CNTRL: variants seen among roughly 807,000 people sequenced by gnomAD.
CNTRL encodes the protein centriolin.
In CNTRL, 233 loss-of-function variants were observed where a neutral mutation model predicts 303.7. The ratio of observed to expected loss-of-function variants is 0.77; its 90% CI spans 0.69 to 0.86. CNTRL has a LOEUF of 0.86. Ranked by LOEUF, CNTRL falls within the 40% of genes least tolerant of loss-of-function variation. The probability of loss-of-function intolerance (pLI) is 0.00; values close to 1 mark genes in which losing one functional copy is unlikely to be tolerated. For missense variants in CNTRL, 2,524 were observed against 2,650.6 expected (o/e 0.95, Z 1.05); for synonymous variants, 900 against 922.2 (o/e 0.98, Z 0.44).
rs10693661 is a variant in CNTRL, at chr9:121,104,694, ATTTTTTTTT to A, written c.809-3092_809-3084del. ...CAGGTGCATTGGAAAGCCACTGGCAATTTTTTTTTTTTTTTTTTTTTTTTGAGACAGAGT... is the reference window on the plus strand; with the variant it reads ...CAGGTGCATTGGAAAGCCACTGGCAATTTTTTTTTTTTTTTGAGACAGAGT... On this transcript the variant is annotated intron_variant, in intron 7 of 43. Transcript: ENST00000373855. 1.2e-4 allele frequency among the ~76,000 whole-genome samples: 12 copies of A among 96,460 alleles called. No homozygotes were observed. In the East Asian group the frequency reaches 2.2e-3, roughly 18 times the overall value. 63.3% of individuals were successfully genotyped at this position (96,460 alleles called of 152,430 possible). A position where few individuals can be genotyped will look rare whatever the true frequency, so the allele number is the denominator to read the frequency against.
intron 26 of CNTRL, 71 bp from the exon 27 acceptor site, chr9:121,154,650 G>T (rs1449091139): frequency 2.4e-6 from 2 of 841,974 alleles, no homozygotes; most frequent in Non-Finnish European, 3.8e-6. Flanking sequence ...GATCTTTTTA[G>T]TAGTTAGGCT....
Position 121,173,444 on chromosome 9 carries a change from C to T in CNTRL, c.6619C>T (p.Leu2207Phe), listed in dbSNP as rs1325815581. ...EGELESLKEN[L>F]PFTMNEGPFE... ...AGAATTGGAAAGCTTGAAAGAGAAC[C>T]TTCCATTTACCATGAATGAGGGACC... Residue 2207 changes from leucine to phenylalanine, a missense_variant, in exon 41 of 44, where the codon CTT (leucine) becomes TTT (phenylalanine). Coordinates refer to ENST00000373855, the MANE Select transcript of CNTRL (RefSeq NM_007018.6). 5 of 1,613,786 alleles carry T rather than the reference C, an allele frequency of 3.1e-6. No individual in the cohort carries two copies. Among genetic ancestry groups the T allele is most frequent in the Non-Finnish European group, 4.2e-6 (5 of 1,179,992 alleles).
In CNTRL at chr9:121,123,911, GA is replaced by G. The variant is rs1564234638; in HGVS notation, c.1651-19del. 1 of 1,516,170 alleles carries G rather than the reference GA, an allele frequency of 6.6e-7. No individual in the cohort carries two copies. Among genetic ancestry groups the G allele is most frequent in the African/African-American group, 1.4e-5 (1 of 70,990 alleles). 93.9% of individuals were successfully genotyped at this position (1,516,170 alleles called of 1,614,324 possible). A position where few individuals can be genotyped will look rare whatever the true frequency, so the allele number is the denominator to read the frequency against. On this transcript the variant is annotated intron_variant, in intron 12 of 43. Transcript: ENST00000373855. ...AGTTTAAGGAACTTGGAGTTTTGTT[GA>G]TTTTTTTTTTTAATTCAGTCCCATA...
Position 121,113,675 on chromosome 9 carries a change from C to T in CNTRL, c.1296C>T (p.His432=). ...ATGATCACATGAACTTGAGAGGCCACACACCACTGGACACGCAACTGGAAG... is the reference window on the plus strand; with the variant it reads ...ATGATCACATGAACTTGAGAGGCCATACACCACTGGACACGCAACTGGAAG... ...LRNDHMNLRG[H]TPLDTQLEDK... is the part of the protein sequence containing the mutation. The change falls in exon 10 of 44, where the codon CAC becomes CAT. Residue 432 remains histidine, a synonymous_variant. Transcript: ENST00000373855. 6.3e-7 allele frequency: 1 copy of T among 1,594,768 alleles called. No individual in the cohort carries two copies. Among genetic ancestry groups the T allele is most frequent in the South Asian group, 1.2e-5 (1 of 86,690 alleles).
At position 121,088,548 on chromosome 9, in the gene CNTRL, C is replaced by T. The variant is rs757032514; in HGVS notation, c.217+5C>T. 1.3e-6 allele frequency: 2 copies of T among 1,583,504 alleles called. No individual in the cohort carries two copies. The highest frequency in any genetic ancestry group is 1.7e-6 in the Non-Finnish European group (2 of 1,154,462). On this transcript the variant is annotated splice_donor_5th_base_variant and intron_variant, in intron 3 of 43. Transcript: ENST00000373855. Reference sequence around the variant, plus strand: ...TGGACTATCAAGACCATAAAGGTATCACTTTTTAATCTAAGAATTGGTCTG... The same window carrying T: ...TGGACTATCAAGACCATAAAGGTATTACTTTTTAATCTAAGAATTGGTCTG...
chr9:121,175,745 GACT>G (rs2053498202), intron 43 of CNTRL, among the ~76,000 whole-genome samples: 1 of 152,230 alleles, frequency 6.6e-6, no homozygotes, highest in Admixed American at 6.5e-5. Flanking sequence ...TTAGGAAACA[GACT>G]ACGACTGCAG....
At chr9:121,121,964 TTCTC>T (rs537596809) in intron 12 of CNTRL, 177 of 980,700 alleles carry the variant, frequency 1.8e-4, no homozygotes, top group Non-Finnish European at 2.1e-4. Context: ...ATGATATTTT[TTCTC>T]TCTCTGTACA....
rs1231952092 is a variant in CNTRL at position 121,167,632 on chromosome 9, G to A, written c.5799G>A (p.Gln1933=). The change falls in exon 37 of 44, where the codon CAG becomes CAA. Residue 1933 remains glutamine, a synonymous_variant. Transcript: ENST00000373855. The stretch of plus-strand genomic sequence containing the variant: ...AACAACAACAACTTCAAGTGCTTCA[G>A]AATGAGATTGAAGAAAACAAGCTCA... ...ETKQQQLQVL[Q]NEIEENKLKL... The A allele has an allele frequency of 6.2e-7, 1 of 1,614,132 alleles. No homozygotes were observed. The highest frequency in any genetic ancestry group is 1.1e-5 in the South Asian group (1 of 91,078).
rs778102545 is a variant in CNTRL, at chr9:121,168,340, C to G, written c.6070+19C>G. The G allele has an allele frequency of 1.2e-6, 2 of 1,603,802 alleles. No homozygotes were observed. Among genetic ancestry groups the G allele is most frequent in the Non-Finnish European group, 1.7e-6 (2 of 1,170,830 alleles). On this transcript the variant is annotated intron_variant, in intron 38 of 43. Transcript: ENST00000373855. ...CAAACTAGTATGTATTCTGGAACTT[C>G]TCACTGGGAGATGGGGTATGGATTG...
rs183097978 is a variant in CNTRL, at chr9:121,130,961, T to A, written c.2026-4845T>A. 9.2e-5 allele frequency among the ~76,000 whole-genome samples: 14 copies of A among 152,278 alleles called. No homozygotes were observed. In the East Asian group the frequency reaches 2.7e-3, roughly 29 times the overall value. On this transcript the variant is annotated intron_variant, in intron 14 of 43. Coordinates refer to ENST00000373855, the MANE Select transcript of CNTRL (RefSeq NM_007018.6). ...TGGTTTTGAGTGAGTTTCTTAATCC[T>A]GAGTTCTAATTTGATTGCACTGTGG... is the stretch of plus-strand genomic sequence containing the variant.
chr9:121,075,094 T>C (rs528267109), intron 1 of CNTRL, 27 bp downstream of exon 1: 26 of 376,592 alleles, frequency 6.9e-5, no homozygotes, highest in Non-Finnish European at 1.2e-4. Context: ...GCCGAGCCCG[T>C]TCCCCGGCAT....
intron 2 of CNTRL, among the ~76,000 whole-genome samples, chr9:121,085,283 C>T (rs2048302468): frequency 6.6e-6 from 1 of 152,162 alleles, no homozygotes; most frequent in African/African-American, 2.4e-5. Flanking sequence ...GAGACGACTT[C>T]TGGGATTCTG....
At chr9:121,157,173 G>A (rs1055199532) in intron 27 of CNTRL, among the ~76,000 whole-genome samples, 3 of 151,848 alleles carry the variant, frequency 2.0e-5, no homozygotes, top group Admixed American at 6.6e-5. Context: ...ACATTCTTCC[G>A]TGTTGCTACA....
At chr9:121,175,410 G>A (rs1286734745) in intron 43 of CNTRL, 186 bp downstream of exon 43, 3 of 618,984 alleles carry the variant, frequency 4.8e-6, no homozygotes, top group African/African-American at 3.7e-5. Context: ...GGGACTACAG[G>A]CACACACCAC....
intron 23 of CNTRL, among the ~76,000 whole-genome samples, chr9:121,147,963 A>C (rs1428682497): frequency 6.6e-6 from 1 of 152,208 alleles, no homozygotes. Flanking sequence ...AGAGCTTTAA[A>C]GCCATGCCAA....
intron 6 of CNTRL, among the ~76,000 whole-genome samples, chr9:121,096,802 A>G (rs979670415): frequency 2.0e-5 from 3 of 152,180 alleles, no homozygotes; most frequent in Admixed American, 1.3e-4. Context: ...TTATCATTTC[A>G]TGTAAGCCTC....
At chr9:121,151,825 G>T (rs1288135907) in intron 25 of CNTRL, among the ~76,000 whole-genome samples, 1 of 152,202 alleles carries the variant, frequency 6.6e-6, no homozygotes, top group Non-Finnish European at 1.5e-5. Flanking sequence ...TAGGGCACAT[G>T]TCAAGTCACC....
At position 121,095,087 on chromosome 9, in the gene CNTRL, T is replaced by C; in HGVS notation, c.479+69T>C. The C allele has an allele frequency of 1.4e-5, 16 of 1,124,856 alleles. No individual in the cohort carries two copies. The South Asian group carries it at 2.5e-4, about 17-fold the overall frequency. 69.7% of individuals were successfully genotyped at this position (1,124,856 alleles called of 1,614,324 possible). A position where few individuals can be genotyped will look rare whatever the true frequency, so the allele number is the denominator to read the frequency against. ...TTGTTAGAGAGGTAGATTAATGTTA[T>C]CCACATTACTGAAAGAATGATTTGA... On this transcript the variant is annotated intron_variant, in intron 5 of 43. Transcript: ENST00000373855.
chr9:121,079,717 G>T (rs2048065613), intron 1 of CNTRL, among the ~76,000 whole-genome samples: 3 of 152,100 alleles, frequency 2.0e-5, no homozygotes, highest in Admixed American at 1.3e-4. Flanking sequence ...TGGCTATATT[G>T]TAATGTATGT....
Sources: gnomAD v4.1 joint callset for allele counts (sites outside exome capture counted in the v4.1 genomes callset) on GRCh38, gnomAD v4.1.1 for gene constraint, MANE v1.5 for transcripts, NCBI Gene and HGNC (gene_info 2026-07-23, HGNC 2026-07-21) for gene names.